The following DNAH8 variants were observed in gnomAD, a reference collection of about 807,000 sequenced individuals.
DNAH8 encodes the protein dynein axonemal heavy chain 8, also known as axonemal beta dynein heavy chain 8.
In DNAH8, 382 loss-of-function variants were observed where a neutral mutation model predicts 562.1. The observed-to-expected ratio is 0.68, with a 90% CI of 0.63 to 0.74. The LOEUF (loss-of-function observed/expected upper bound fraction) is 0.74, where lower values mean the gene tolerates loss of function less well. Ranked by LOEUF, DNAH8 falls within the 30% of genes least tolerant of loss-of-function variation. The pLI is 0.00. For synonymous variants in DNAH8, 1,881 were observed against 1,919.4 expected, an observed-to-expected ratio of 0.98 and a Z score of 0.52; for missense variants, 5,203 against 5,620.4, an observed-to-expected ratio of 0.93 and a Z score of 2.37.
chr6:38,984,467 C>A, intron 87 of DNAH8, 160 bp downstream of exon 87: 1 of 572,996 alleles, frequency 1.7e-6, no homozygotes, highest in South Asian at 1.9e-5. Context: ...CACGCACACA[C>A]ATGCACACAC....
chr6:38,974,431 A>G lies in DNAH8; in HGVS notation c.12736A>G (p.Thr4246Ala). 1.2e-6 allele frequency: 2 copies of G among 1,614,040 alleles called. No individual in the cohort carries two copies. Among genetic ancestry groups the G allele is most frequent in the Non-Finnish European group, 1.7e-6 (2 of 1,179,866 alleles). Residue 4246 changes from threonine to alanine, a missense_variant, in exon 85 of 93, where the codon ACA becomes GCA. Physicochemically the swap from Thr to Ala is moderately conservative, Grantham distance 58. This residue lies in a region of DNAH8 where 1,399 missense variants were observed against 1,518.4 expected (regional missense o/e 0.92). Transcript: ENST00000327475. ...AGGTGTACGCGCAGGTTTGAAAAGA[A>G]CATTTGCTGGAATTAATCAAGACCT... ...PQGVRAGLKRTFAGINQDLLD... is the reference protein window; with the variant it reads ...PQGVRAGLKRAFAGINQDLLD...
intron 14 of DNAH8, 145 bp from the exon 15 acceptor site, chr6:38,779,821 A>G: frequency 1.3e-6 from 1 of 776,864 alleles, no homozygotes; most frequent in Non-Finnish European, 2.1e-6. Flanking sequence ...TGTACCTCCT[A>G]TCTCGTTCAT....
chr6:38,818,752 G>A (rs12194119), intron 26 of DNAH8, among the ~76,000 whole-genome samples: 23,814 of 152,202 alleles, frequency 0.16, 2,211 homozygotes, highest in Non-Finnish European at 0.21. Context: ...CTTTTAACTT[G>A]AAGGCAGAAT....
In DNAH8 at chr6:38,828,161, TAAAC is replaced by T. The variant is rs1231306848; in HGVS notation, c.4084-22_4084-19del. The T allele has an allele frequency of 2.0e-6, 3 of 1,498,254 alleles. No homozygotes were observed. Among genetic ancestry groups the T allele is most frequent in the African/African-American group, 1.4e-5 (1 of 71,696 alleles). The allele number at this position is 1,498,254 out of a possible 1,614,324, so 92.8% of individuals were successfully genotyped here. The stretch of plus-strand genomic sequence containing the variant: ...CAATGGCTTTCCCTTGTGATATTTC[TAAAC>T]TCCACCTTCATCCTGCAGGAAGCCT... On this transcript the variant is annotated intron_variant, in intron 29 of 92. Coordinates refer to ENST00000327475, the MANE Select transcript of DNAH8 (RefSeq NM_001206927.2).
rs187401699 is a variant in DNAH8 at position 38,919,668 on chromosome 6, G to A, written c.10524+1528G>A. On this transcript the variant is annotated intron_variant, in intron 70 of 92. Transcript: ENST00000327475. ...AAAAGAGGACCTTGATTAAATTCCC[G>A]AAAGCAAAAAATCCTGGGGTCTCAT... is the stretch of plus-strand genomic sequence containing the variant. Among the ~76,000 whole-genome samples the A allele has an allele frequency of 2.0e-3, 308 of 151,960 alleles. 3 individuals carry two copies. The highest frequency in any genetic ancestry group is 7.0e-3 in the African/African-American group (291 of 41,464).
At chr6:38,854,226 G>C (rs78093892) in intron 41 of DNAH8, among the ~76,000 whole-genome samples, 1 of 55,856 alleles carries the variant, frequency 1.8e-5, no homozygotes. Flanking sequence ...TGTTTAGAAA[G>C]TGAAGACCTC....
intron 61 of DNAH8, among the ~76,000 whole-genome samples, chr6:38,898,765 G>C (rs1319921495): frequency 6.6e-6 from 1 of 152,154 alleles, no homozygotes; most frequent in Non-Finnish European, 1.5e-5. Flanking sequence ...GCTTTTAAAA[G>C]TGTCAATGTT....
intron 38 of DNAH8, 81 bp downstream of exon 38, chr6:38,850,495 T>G: frequency 7.5e-7 from 1 of 1,333,822 alleles, no homozygotes; most frequent in South Asian, 1.4e-5. Context: ...TGACTACATT[T>G]CTGGTTTGGT....
At chr6:38,806,730 G>A (rs1400471688) in intron 23 of DNAH8, among the ~76,000 whole-genome samples, 3 of 151,814 alleles carry the variant, frequency 2.0e-5, no homozygotes, top group African/African-American at 7.3e-5. Context: ...GCAGTGAGCC[G>A]AGATCGCGCC....
intron 44 of DNAH8, among the ~76,000 whole-genome samples, chr6:38,863,534 C>A (rs966980180): frequency 6.6e-6 from 1 of 152,098 alleles, no homozygotes; most frequent in African/African-American, 2.4e-5. Context: ...AACAAAACAA[C>A]CATCCCCAAA....
chr6:38,851,148 T>A (rs938083176), intron 38 of DNAH8, among the ~76,000 whole-genome samples: 4 of 152,192 alleles, frequency 2.6e-5, no homozygotes, highest in Non-Finnish European at 4.4e-5. Flanking sequence ...AATCTCTATT[T>A]GAAATAGGGT....
rs74614366 is a variant in DNAH8, at chr6:38,796,831, A to G, written c.2901+5157A>G. Among the ~76,000 whole-genome samples the G allele has an allele frequency of 7.8e-3, 1,182 of 151,882 alleles. 50 individuals carry two copies. In the East Asian group the frequency reaches 0.11, roughly 14 times the overall value. On this transcript the variant is annotated intron_variant, in intron 21 of 92. Transcript: ENST00000327475. ...AGCCCGCCGATGCTCCCAGTTGAAT[A>G]AAGCCCTTTCCCTCCACAACTCGGT...
At chr6:38,872,179 G>A (rs1777521417) in intron 49 of DNAH8, among the ~76,000 whole-genome samples, 1 of 152,122 alleles carries the variant, frequency 6.6e-6, no homozygotes, top group Non-Finnish European at 1.5e-5. Flanking sequence ...ACTAAGGGGC[G>A]ATATCATCAC....
intron 4 of DNAH8, among the ~76,000 whole-genome samples, chr6:38,733,090 C>A (rs1322217277): frequency 6.6e-6 from 1 of 152,130 alleles, no homozygotes; most frequent in Non-Finnish European, 1.5e-5. Context: ...CAAGGTCTTA[C>A]TGTGTTGCCC....
At chr6:38,860,939 G>GA (rs1383766716) in intron 43 of DNAH8, among the ~76,000 whole-genome samples, 13 of 152,190 alleles carry the variant, frequency 8.5e-5, no homozygotes, top group Admixed American at 6.5e-4. Flanking sequence ...TGCAAAGAAG[G>GA]AAGGTCCCTT....
chr6:38,722,816 A>T lies in DNAH8; in HGVS notation c.7A>T (p.Lys3Ter), dbSNP rs762613710. The T allele has an allele frequency of 6.3e-7, 1 of 1,584,344 alleles. No homozygotes were observed. ...GCATTCCGCACGACGGGGGATGGAG[A>T]AGGATGCTGAAGATGGCGCCCCTTC... is the stretch of plus-strand genomic sequence containing the variant. ME[K>*]DAEDGAPSEG... Residue 3 changes from lysine to a stop codon, truncating the protein, a stop_gained, in exon 2 of 93, where the codon AAG (lysine) becomes TAG (stop). Coordinates refer to ENST00000327475, the MANE Select transcript of DNAH8 (RefSeq NM_001206927.2). LOFTEE classifies it high-confidence loss of function.
At chr6:38,870,348 A>C (rs1777370821) in intron 48 of DNAH8, 53 bp from the exon 49 acceptor site, 15 of 1,547,552 alleles carry the variant, frequency 9.7e-6, no homozygotes, top group Middle Eastern at 1.7e-4. Flanking sequence ...CAGCTAGCTG[A>C]TAAATGTTTG....
intron 91 of DNAH8, among the ~76,000 whole-genome samples, chr6:39,019,906 A>C (rs1766797787): frequency 6.6e-6 from 1 of 152,166 alleles, no homozygotes; most frequent in Non-Finnish European, 1.5e-5. Flanking sequence ...AACAGCTGGG[A>C]AGGACAAGGT....
rs767042034 is a variant in DNAH8, at chr6:38,872,750, C to T, written c.7205C>T (p.Thr2402Ile). The T allele has an allele frequency of 2.9e-5, 46 of 1,613,996 alleles. No homozygotes were observed. The highest frequency in any genetic ancestry group is 3.7e-5 in the Non-Finnish European group (44 of 1,180,014). Residue 2402 changes from threonine to isoleucine, a missense_variant, in exon 50 of 93, where the codon ACT (threonine) becomes ATT (isoleucine). Around this residue, in one of 6 missense-constraint regions of DNAH8, gnomAD observed 2,176 missense variants for 2,365.1 expected, o/e 0.92. Transcript: ENST00000327475. ...GACTGGACAGATGGGATTTTTTCTACTCTGTGGAGAAAAACATTAAAAGCT... is the reference window on the plus strand; with the variant it reads ...GACTGGACAGATGGGATTTTTTCTATTCTGTGGAGAAAAACATTAAAAGCT... The part of the protein sequence containing the change: ...TNDWTDGIFS[T>I]LWRKTLKAKK...
Sources: gnomAD v4.1 joint callset for allele counts (sites outside exome capture counted in the v4.1 genomes callset) on GRCh38, gnomAD v4.1.1 for gene constraint, gnomAD v4.1.1 regional missense constraint, MANE v1.5 for transcripts, NCBI Gene and HGNC (gene_info 2026-07-23, HGNC 2026-07-21) for gene names.